The following PNPT1 variants were observed in gnomAD, a reference collection of about 807,000 sequenced individuals.
The protein encoded by PNPT1 is polyribonucleotide nucleotidyltransferase 1.
PNPT1 carries 53 observed loss-of-function variants against 119.5 expected under a neutral mutation model. That is an observed-to-expected ratio of 0.44 (90% confidence interval 0.36 to 0.56). The LOEUF (loss-of-function observed/expected upper bound fraction) is 0.56. Ranked by LOEUF, PNPT1 falls within the 20% of genes least tolerant of loss-of-function variation. The probability of loss-of-function intolerance (pLI) is 0.00; values close to 1 mark genes in which losing one functional copy is unlikely to be tolerated. For synonymous variants in PNPT1, 357 were observed against 322.1 expected, an observed-to-expected ratio of 1.11 and a Z score of -1.16; for missense variants, 948 against 938.5, an observed-to-expected ratio of 1.01 and a Z score of -0.13.
chr2:55,685,100 T>A, intron 3 of PNPT1, 52 bp from the exon 4 acceptor site: 1 of 1,361,754 alleles, frequency 7.3e-7, no homozygotes, highest in Non-Finnish European at 1.0e-6. Flanking sequence ...AGAAACAAAC[T>A]ATACTGTATG....
intron 13 of PNPT1, among the ~76,000 whole-genome samples, chr2:55,663,169 C>T (rs946185930): frequency 2.6e-5 from 4 of 152,176 alleles, no homozygotes; most frequent in African/African-American, 7.2e-5. Context: ...CAGGCGTGAG[C>T]CACCACGCCC....
At position 55,662,035 on chromosome 2, in the gene PNPT1, G is replaced by GA. The variant is rs1379395768; in HGVS notation, c.1177-10dup. On this transcript the variant is annotated splice_polypyrimidine_tract_variant and intron_variant, in intron 13 of 27. Coordinates refer to ENST00000447944, the MANE Select transcript of PNPT1 (RefSeq NM_033109.5). Reference sequence around the variant, plus strand: ...GTAACGGTACAAAGCACCTAAAAAAGAAAAAGAATTCCTCAGGCTTTAATA... The same window carrying GA: ...GTAACGGTACAAAGCACCTAAAAAAGAAAAAAGAATTCCTCAGGCTTTAATA... 6.5e-7 allele frequency: 1 copy of GA among 1,547,700 alleles called. No individual in the cohort carries two copies.
At chr2:55,690,245 A>C (rs771048821) in intron 1 of PNPT1, among the ~76,000 whole-genome samples, 1 of 152,228 alleles carries the variant, frequency 6.6e-6, no homozygotes, top group Non-Finnish European at 1.5e-5. Flanking sequence ...ATGCAAAAAG[A>C]GGTTACTGAT....
chr2:55,669,943 G>T (rs1407192531), intron 11 of PNPT1, among the ~76,000 whole-genome samples: 2 of 151,814 alleles, frequency 1.3e-5, no homozygotes, highest in African/African-American at 2.4e-5. Flanking sequence ...ATTTTTGGTA[G>T]AGATGGGGTT....
intron 14 of PNPT1, 138 bp from the exon 15 acceptor site, chr2:55,660,331 A>G: frequency 3.6e-6 from 3 of 839,422 alleles, no homozygotes; most frequent in South Asian, 5.1e-5. Flanking sequence ...CTGAAAACCA[A>G]AGAATTAATT....
rs375213964 is a variant in PNPT1 at position 55,686,062 on chromosome 2, A to G, written c.297+308T>C. Among the ~76,000 whole-genome samples the G allele has an allele frequency of 2.6e-5, 4 of 152,314 alleles. No homozygotes were observed. In the East Asian group the frequency reaches 7.7e-4, roughly 29 times the overall value. ...CATGGAGGGCTGACTGTACTTGCAG[A>G]GTCATACTGAAGGGAAACTATGAGG... On this transcript the variant is annotated intron_variant, in intron 3 of 27. Coordinates refer to ENST00000447944, the MANE Select transcript of PNPT1 (RefSeq NM_033109.5).
intron 25 of PNPT1, 116 bp from the exon 26 acceptor site, chr2:55,640,821 A>G: frequency 2.9e-6 from 2 of 679,484 alleles, no homozygotes; most frequent in East Asian, 5.5e-5. Flanking sequence ...AAACAATTCT[A>G]GCACGTTTTT....
rs138642750 is a variant in PNPT1, at chr2:55,654,091, G to A, written c.1495+809C>T. ...GGCCAATATGGTGAAACCCCGTCTC[G>A]ACTAAAAATACAAAAATTAGCCAGG... On this transcript the variant is annotated intron_variant, in intron 18 of 27. Transcript: ENST00000447944. 8.4e-3 allele frequency among the ~76,000 whole-genome samples: 1,280 copies of A among 151,848 alleles called. 21 individuals carry two copies. The highest frequency in any genetic ancestry group is 0.03 in the African/African-American group (1,229 of 41,428).
rs1469577462 is a variant in PNPT1, at chr2:55,687,657, A to G, written c.210T>C (p.Ser70=). The part of the protein sequence containing the change: ...SGKLARFADG[S]AVVQSGDTAV... Reference sequence around the variant, plus strand: ...CTGGACTTTTTACCTGTACTACAGCAGAGCCATCTGCAAATCTGGCCAGCT... The same window carrying G: ...CTGGACTTTTTACCTGTACTACAGCGGAGCCATCTGCAAATCTGGCCAGCT... Residue 70 remains serine (S), a synonymous_variant, in exon 2 of 28, where the codon TCT becomes TCC. Transcript: ENST00000447944. 1 of 1,597,854 alleles carries G rather than the reference A, an allele frequency of 6.3e-7. No individual in the cohort carries two copies. The highest frequency in any genetic ancestry group is 1.1e-5 in the South Asian group (1 of 87,216).
intron 13 of PNPT1, among the ~76,000 whole-genome samples, chr2:55,666,023 G>C (rs1473685910): frequency 6.6e-6 from 1 of 152,138 alleles, no homozygotes; most frequent in African/African-American, 2.4e-5. Flanking sequence ...TGAGGGCCTT[G>C]AACAGGTCAA....
In PNPT1 at chr2:55,693,827, A is replaced by T. The variant is rs1282721265; in HGVS notation, c.-4T>A. ...AGCAGTACCTGCAGGCCGCCATGAC[A>T]CCCGGCACGCGGTCAACGCAGGCTG... is the stretch of plus-strand genomic sequence containing the variant. On this transcript the variant is annotated 5_prime_UTR_variant, in exon 1 of 28. Transcript: ENST00000447944. 6.2e-7 allele frequency: 1 copy of T among 1,613,022 alleles called. No individual in the cohort carries two copies. Among genetic ancestry groups the T allele is most frequent in the Admixed American group, 1.7e-5 (1 of 60,004 alleles).
At position 55,643,302 on chromosome 2, in the gene PNPT1, A is replaced by G; in HGVS notation, c.2013+17T>C. 6.2e-7 allele frequency: 1 copy of G among 1,610,372 alleles called. No individual in the cohort carries two copies. The highest frequency in any genetic ancestry group is 2.2e-5 in the East Asian group (1 of 44,858). The stretch of plus-strand genomic sequence containing the variant: ...AATATAGCTATATGATACGTAATTA[A>G]TATGATCTATACTTACATCATCCTT... On this transcript the variant is annotated intron_variant, in intron 24 of 27. Coordinates refer to ENST00000447944, the MANE Select transcript of PNPT1 (RefSeq NM_033109.5).
chr2:55,681,183 G>A (rs970756936), intron 5 of PNPT1, among the ~76,000 whole-genome samples: 3 of 152,058 alleles, frequency 2.0e-5, no homozygotes, highest in Admixed American at 6.5e-5. Flanking sequence ...GAGGAGGGCG[G>A]ATCACCTGAG....
At chr2:55,674,392 A>G (rs1697002324) in intron 8 of PNPT1, among the ~76,000 whole-genome samples, 1 of 152,190 alleles carries the variant, frequency 6.6e-6, no homozygotes, top group South Asian at 2.1e-4. Context: ...TCAGAGTTCA[A>G]GACCAGCCTG....
intron 5 of PNPT1, among the ~76,000 whole-genome samples, chr2:55,681,268 G>A (rs1303170560): frequency 1.3e-5 from 2 of 152,118 alleles, no homozygotes; most frequent in Admixed American, 1.3e-4. Flanking sequence ...TTAGCCGGGT[G>A]TAGTGGCCGG....
intron 13 of PNPT1, among the ~76,000 whole-genome samples, chr2:55,663,489 T>C (rs1282941271): frequency 6.6e-6 from 1 of 152,142 alleles, no homozygotes; most frequent in African/African-American, 2.4e-5. Flanking sequence ...TCAAGTTTGG[T>C]GAAAGACATC....
At chr2:55,666,327 T>C (rs973080722) in intron 13 of PNPT1, among the ~76,000 whole-genome samples, 5 of 152,068 alleles carry the variant, frequency 3.3e-5, no homozygotes, top group African/African-American at 4.8e-5. Flanking sequence ...GGCATGACCA[T>C]AGATTATTGC....
In PNPT1 at chr2:55,688,498, C is replaced by T. The variant is rs1277974844; in HGVS notation, c.162-793G>A. Among the ~76,000 whole-genome samples the T allele has an allele frequency of 3.9e-5, 6 of 152,154 alleles. No homozygotes were observed. In the East Asian group the frequency reaches 1.2e-3, roughly 29 times the overall value. ...CAGGACTTTGAAAGGCTGAGGCAGG[C>T]CTGATCACCCGAGGTCAGGAGTTCA... On this transcript the variant is annotated intron_variant, in intron 1 of 27. Coordinates refer to ENST00000447944, the MANE Select transcript of PNPT1 (RefSeq NM_033109.5).
At chr2:55,683,970 A>G in intron 4 of PNPT1, 136 bp from the exon 5 acceptor site, 2 of 739,074 alleles carry the variant, frequency 2.7e-6, no homozygotes, top group South Asian at 3.9e-5. Flanking sequence ...TAAGAGGGAC[A>G]CAGATAAATG....
Sources: gnomAD v4.1 joint callset for allele counts (sites outside exome capture counted in the v4.1 genomes callset) on GRCh38, gnomAD v4.1.1 for gene constraint, MANE v1.5 for transcripts, NCBI Gene and HGNC (gene_info 2026-07-23, HGNC 2026-07-21) for gene names.